MKKS: variants seen among roughly 807,000 people sequenced by gnomAD.
MKKS encodes MKKS centrosomal shuttling protein, also known as molecular chaperone MKKS.
MKKS carries 29 observed loss-of-function variants against 33.2 expected under a neutral mutation model. The observed-to-expected ratio is 0.87, with a 90% CI of 0.65 to 1.19. The LOEUF is 1.19. Among genes scored for constraint, MKKS ranks in the 50% most tolerant of loss-of-function variants. MKKS has a pLI of 0.00. For synonymous variants in MKKS, 260 were observed against 244.0 expected (o/e 1.07, Z -0.61); for missense variants, 661 against 662.3 (o/e 1.00, Z 0.02).
intron 1 of MKKS, among the ~76,000 whole-genome samples, chr20:10,431,219 C>A (rs557566675): frequency 6.6e-6 from 1 of 152,050 alleles, no homozygotes; most frequent in Non-Finnish European, 1.5e-5. Context: ...ATATTATCAT[C>A]GAATATTTTG....
At chr20:10,411,492 G>C (rs1044947821) in intron 3 of MKKS, among the ~76,000 whole-genome samples, 2 of 152,114 alleles carry the variant, frequency 1.3e-5, no homozygotes, top group African/African-American at 4.8e-5. Context: ...AAAGCTAGTA[G>C]ATATTTAAGG....
intron 1 of MKKS, among the ~76,000 whole-genome samples, chr20:10,428,565 G>C (rs1046690417): frequency 2.6e-5 from 4 of 152,162 alleles, no homozygotes; most frequent in African/African-American, 9.7e-5. Flanking sequence ...TCAGCTGGGC[G>C]CGGTGGCTCA....
chr20:10,406,390 T>C lies in MKKS; in HGVS notation c.1273-703A>G, dbSNP rs539646081. Among the ~76,000 whole-genome samples the C allele has an allele frequency of 1.2e-4, 19 of 152,320 alleles. No homozygotes were observed. In the East Asian group the frequency reaches 3.7e-3, roughly 29 times the overall value. On this transcript the variant is annotated intron_variant, in intron 5 of 5. Coordinates refer to ENST00000347364, the MANE Select transcript of MKKS (RefSeq NM_170784.3). The stretch of plus-strand genomic sequence containing the variant: ...TAAGATTATAAGGCCATATTTTTAC[T>C]AACCTTTTCTGTGTGTTGATATGTT...
Position 10,405,371 on chromosome 20 carries a change from G to A in MKKS, c.1589C>T (p.Ala530Val), listed in dbSNP as rs2122219422. Residue 530 changes from alanine (A) to valine (V), a missense_variant, in exon 6 of 6, where the codon GCT (alanine) becomes GTT (valine). Ala to Val is a moderately conservative substitution (Grantham distance 64, BLOSUM62 0). Coordinates refer to ENST00000347364, the MANE Select transcript of MKKS (RefSeq NM_170784.3). ...GGTCAGGTTGCTGGCTGAGCCCACA[G>A]CTTCATGTGGAAGGCAGCTTTGTGG... is the stretch of plus-strand genomic sequence containing the variant. ...FVPQSCLPHE[A>V]VGSASNLTLD... 1.2e-6 allele frequency: 2 copies of A among 1,614,222 alleles called. No homozygotes were observed. Among genetic ancestry groups the A allele is most frequent in the Non-Finnish European group, 1.7e-6 (2 of 1,180,042 alleles).
intron 1 of MKKS, among the ~76,000 whole-genome samples, chr20:10,424,500 C>A (rs139416460): frequency 6.7e-4 from 102 of 152,126 alleles, no homozygotes; most frequent in African/African-American, 2.4e-3. Flanking sequence ...TGGATGTATT[C>A]TATTGCCTGC....
chr20:10,420,159 T>C (rs181628612), intron 2 of MKKS, among the ~76,000 whole-genome samples: 12 of 152,262 alleles, frequency 7.9e-5, no homozygotes, highest in Admixed American at 6.5e-4. Context: ...ATGAATACAA[T>C]TAGTTTTGTA....
Position 10,432,147 on chromosome 20 carries a change from T to C in MKKS, c.-649+1961A>G, listed in dbSNP as rs567084090. ...AGGGAAACAGACATCTAACGACAGA[T>C]CAATCAAGGGGTATAAAAGCCTGGC... On this transcript the variant is annotated intron_variant, in intron 1 of 5. Coordinates refer to ENST00000347364, the MANE Select transcript of MKKS (RefSeq NM_170784.3). 5.9e-5 allele frequency among the ~76,000 whole-genome samples: 9 copies of C among 152,272 alleles called. No individual in the cohort carries two copies. The East Asian group carries it at 1.7e-3, about 29-fold the overall frequency.
Position 10,401,039 on chromosome 20 carries a change from A to ATT in MKKS, c.*4207_*4208insAA, listed in dbSNP as rs2064809404. On this transcript the variant is annotated 3_prime_UTR_variant, in exon 6 of 6. Coordinates refer to ENST00000347364, the MANE Select transcript of MKKS (RefSeq NM_170784.3). The stretch of plus-strand genomic sequence containing the variant: ...ATGGCTAAAATAAGATGTTTATTAT[A>ATT]AGTATTTTCTCAAAGAGAATTTTTA... 6.6e-6 allele frequency: 1 copy of ATT among 152,162 alleles called. No individual in the cohort carries two copies. The highest frequency in any genetic ancestry group is 1.5e-5 in the Non-Finnish European group (1 of 68,028). 9.4% of individuals were successfully genotyped at this position (152,162 alleles called of 1,614,324 possible). A position where few individuals can be genotyped will look rare whatever the true frequency, so the allele number is the denominator to read the frequency against.
intron 1 of MKKS, among the ~76,000 whole-genome samples, chr20:10,423,030 T>G (rs1246992110): frequency 6.6e-6 from 1 of 152,186 alleles, no homozygotes; most frequent in East Asian, 1.9e-4. Context: ...ACATTACTTT[T>G]AAGAGCCATT....
Position 10,405,092 on chromosome 20 carries a change from CT to C in MKKS, c.*154del. On this transcript the variant is annotated 3_prime_UTR_variant, in exon 6 of 6. Coordinates refer to ENST00000347364, the MANE Select transcript of MKKS (RefSeq NM_170784.3). ...CATGGCATTTCCATTCACGAATCACCTTTTTTCCTAAATAAGTGTATCTATA... is the reference window on the plus strand; with the variant it reads ...CATGGCATTTCCATTCACGAATCACCTTTTTCCTAAATAAGTGTATCTATA... 1.8e-6 allele frequency: 1 copy of C among 562,788 alleles called. No homozygotes were observed. The highest frequency in any genetic ancestry group is 3.0e-6 in the Non-Finnish European group (1 of 330,302). 34.9% of individuals were successfully genotyped at this position (562,788 alleles called of 1,614,324 possible).
At position 10,402,842 on chromosome 20, in the gene MKKS, A is replaced by G. The variant is rs1176383965; in HGVS notation, c.*2405T>C. ...CCATTTATGTGACCAAGTTTTCAGT[A>G]AATAATTTATTACAAATAAGCTTTT... On this transcript the variant is annotated 3_prime_UTR_variant, in exon 6 of 6. Transcript: ENST00000347364. The G allele has an allele frequency of 6.6e-6, 1 of 152,240 alleles. No homozygotes were observed. The highest frequency in any genetic ancestry group is 6.5e-5 in the Admixed American group (1 of 15,286). The allele number at this position is 152,240 out of a possible 1,614,324, so 9.4% of individuals were successfully genotyped here.
chr20:10,413,180 G>A lies in MKKS; in HGVS notation c.335C>T (p.Thr112Ile). 3.1e-6 allele frequency: 5 copies of A among 1,614,202 alleles called. No individual in the cohort carries two copies. The highest frequency in any genetic ancestry group is 4.2e-6 in the Non-Finnish European group (5 of 1,180,048). The change falls in exon 3 of 6, where the codon ACA (threonine) becomes ATA (isoleucine). Residue 112 changes from threonine (T) to isoleucine (I), a missense_variant. Physicochemically the swap from Thr to Ile is moderately conservative, Grantham distance 89 (BLOSUM62 -1). Transcript: ENST00000347364. Reference protein sequence around the residue: ...LIENVQRLGLTPTTVIRLNKH... With the variant: ...LIENVQRLGLIPTTVIRLNKH... ...ATTTAATCTAATGACAGTGGTGGGT[G>A]TCAAGCCTAATCTCTGAACATTTTC...
intron 3 of MKKS, among the ~76,000 whole-genome samples, chr20:10,411,844 C>G (rs2064890009): frequency 6.6e-6 from 1 of 152,180 alleles, no homozygotes; most frequent in Admixed American, 6.5e-5. Context: ...TTGGCTCTAA[C>G]AGTACTTATA....
intron 1 of MKKS, among the ~76,000 whole-genome samples, chr20:10,432,769 G>A (rs1244239420): frequency 8.3e-6 from 1 of 120,066 alleles, no homozygotes; most frequent in East Asian, 2.3e-4. Context: ...CAGCCTGCGC[G>A]ACAGAGCGAG....
rs371197549 is a variant in MKKS, at chr20:10,408,104, TAC to T, written c.1162-380_1162-379del. ...TTATTTTGAATGGATTTGGAAATAA[TAC>T]AGTTACATCCCAGCAATAATAAATA... On this transcript the variant is annotated intron_variant, in intron 4 of 5. Coordinates refer to ENST00000347364, the MANE Select transcript of MKKS (RefSeq NM_170784.3). Among the ~76,000 whole-genome samples, 273 of 151,394 alleles carry T rather than the reference TAC, an allele frequency of 1.8e-3. 7 individuals carry two copies. The South Asian group carries it at 0.045, about 25-fold the overall frequency.
intron 1 of MKKS, among the ~76,000 whole-genome samples, chr20:10,423,805 G>A (rs1474062625): frequency 1.3e-5 from 2 of 152,128 alleles, no homozygotes; most frequent in African/African-American, 4.8e-5. Flanking sequence ...AGTTAAACCT[G>A]GAAATCAGTA....
At chr20:10,408,479 A>T (rs1568664189) in intron 4 of MKKS, 149 bp downstream of exon 4, 1 of 769,594 alleles carries the variant, frequency 1.3e-6, no homozygotes, top group Non-Finnish European at 2.1e-6. Flanking sequence ...CAGGCATTTA[A>T]ATTAGCTTAC....
At chr20:10,410,327 G>A (rs954275149) in intron 3 of MKKS, among the ~76,000 whole-genome samples, 8 of 151,782 alleles carry the variant, frequency 5.3e-5, no homozygotes, top group Non-Finnish European at 1.0e-4. Context: ...ATCAAACCAA[G>A]TCAAATGTTA....
intron 1 of MKKS, among the ~76,000 whole-genome samples, chr20:10,424,635 A>G (rs2065003013): frequency 6.6e-6 from 1 of 152,226 alleles, no homozygotes; most frequent in African/African-American, 2.4e-5. Context: ...TTAGCGAGGT[A>G]ATGTGTTATT....
Sources: gnomAD v4.1 joint callset for allele counts (sites outside exome capture counted in the v4.1 genomes callset) on GRCh38, gnomAD v4.1.1 for gene constraint, MANE v1.5 for transcripts, NCBI Gene and HGNC (gene_info 2026-07-23, HGNC 2026-07-21) for gene names.